NPAS4: variants seen among roughly 807,000 people sequenced by gnomAD.
NPAS4 encodes neuronal PAS domain protein 4.
A neutral mutation model predicts 64.0 loss-of-function variants in NPAS4; 10 were observed. The observed-to-expected ratio is 0.16, with a 90% CI of 0.10 to 0.26. NPAS4 has a LOEUF of 0.26. NPAS4 is among the 10% of genes least tolerant of loss of function. NPAS4 has a pLI of 1.00. For synonymous variants in NPAS4, 441 were observed against 411.7 expected (o/e 1.07, Z -0.86); for missense variants, 886 against 992.6 (o/e 0.89, Z 1.44).
chr11:66,424,696 C>T lies in NPAS4; in HGVS notation c.1806C>T (p.Val602=), dbSNP rs755287888. 6 of 1,612,836 alleles carry T rather than the reference C, an allele frequency of 3.7e-6. No homozygotes were observed. Residue 602 remains valine, a synonymous_variant, in exon 7 of 8, where the codon GTC becomes GTT. Transcript: ENST00000311034. ...TCCGGGGCCCCCTCTCTGTGGATGT[C>T]CCCCTGGTGCCCGAAGGCCTGCTCA... ...AQLRGPLSVD[V]PLVPEGLLTP...
At chr11:66,421,400 A>C in intron 1 of NPAS4, 46 bp downstream of exon 1, 1 of 1,585,790 alleles carries the variant, frequency 6.3e-7, no homozygotes, top group Non-Finnish European at 8.7e-7. Context: ...CAGGCGCCGG[A>C]GACCCTGGAG....
At position 66,425,318 on chromosome 11, in the gene NPAS4, G is replaced by A. The variant is rs368131757; in HGVS notation, c.2380+48G>A. 494 of 1,132,508 alleles carry A rather than the reference G, an allele frequency of 4.4e-4. 3 individuals are homozygous for A. The highest frequency in any genetic ancestry group is 3.7e-3 in the Middle Eastern group (18 of 4,860). The allele number at this position is 1,132,508 out of a possible 1,614,324, so 70.2% of individuals were successfully genotyped here. On this transcript the variant is annotated intron_variant, in intron 7 of 7. Coordinates refer to ENST00000311034, the MANE Select transcript of NPAS4 (RefSeq NM_178864.4). The stretch of plus-strand genomic sequence containing the variant: ...GAACTCAAGTCCCTGTCCTGCCAAT[G>A]AAATGCTGGGTAGATTTAGGCAAAT...
At chr11:66,416,221 A>G (rs1461833759), upstream of NPAS4, among the ~76,000 whole-genome samples, 1 of 152,284 alleles carries the variant, frequency 6.6e-6, no homozygotes, top group East Asian at 1.9e-4. Flanking sequence ...CCCACTGCCC[A>G]TGCCAACCTC....
At chr11:66,415,004 G>C in the NPAS4 span, among the ~76,000 whole-genome samples, 16 of 152,172 alleles carry the variant, frequency 1.1e-4, no homozygotes, top group Non-Finnish European at 4.4e-5. Context: ...GGCTTCGGGA[G>C]GCCCAATATC....
intron 5 of NPAS4, 158 bp downstream of exon 5, chr11:66,423,390 C>A: frequency 2.4e-6 from 2 of 819,858 alleles, no homozygotes; most frequent in Non-Finnish European, 4.0e-6. Flanking sequence ...GGATTCAAGG[C>A]AATAATCAAA....
chr11:66,409,625 C>G, the NPAS4 span, among the ~76,000 whole-genome samples: 1 of 152,116 alleles, frequency 6.6e-6, no homozygotes, highest in African/African-American at 2.4e-5. Flanking sequence ...CCTCCTTAAA[C>G]TGGAAGGGAA....
Position 66,424,303 on chromosome 11 carries a change from G to A in NPAS4, c.1413G>A (p.Thr471=), listed in dbSNP as rs371667911. 43 of 1,613,968 alleles carry A rather than the reference G, an allele frequency of 2.7e-5. No individual in the cohort carries two copies. Among genetic ancestry groups the A allele is most frequent in the Non-Finnish European group, 3.4e-5 (40 of 1,180,018 alleles). ...PSTATFSDQL[T]PSSATFPDPL... is the part of the protein sequence containing the mutation. ...CTGCGACCTTCTCTGATCAGTTGAC[G>A]CCCAGCAGTGCAACCTTCCCAGATC... The change falls in exon 7 of 8, where the codon ACG becomes ACA. Residue 471 remains threonine (T), a synonymous_variant. Coordinates refer to ENST00000311034, the MANE Select transcript of NPAS4 (RefSeq NM_178864.4).
At chr11:66,421,446 G>T (rs1856740219) in intron 1 of NPAS4, 92 bp downstream of exon 1, 1 of 1,186,360 alleles carries the variant, frequency 8.4e-7, no homozygotes, top group Non-Finnish European at 1.2e-6. Flanking sequence ...CATGTCTAGG[G>T]CAGCGTGCTG....
the NPAS4 span, among the ~76,000 whole-genome samples, chr11:66,413,788 T>A: frequency 4.1e-4 from 63 of 152,200 alleles, 1 homozygote; most frequent in South Asian, 8.9e-3. Flanking sequence ...TCAGGCAGGG[T>A]CACCCCTCCT....
In NPAS4 at chr11:66,424,916, G is replaced by T. The variant is rs775172916; in HGVS notation, c.2026G>T (p.Gly676Trp). The T allele has an allele frequency of 1.5e-5, 25 of 1,613,860 alleles. No homozygotes were observed. The highest frequency in any genetic ancestry group is 1.6e-4 in the Middle Eastern group (1 of 6,084). The change falls in exon 7 of 8, where the codon GGG becomes TGG. Residue 676 changes from glycine to tryptophan, a missense_variant. This residue lies in a region of NPAS4 where 820 missense variants were observed against 855.5 expected (regional missense o/e 0.96). Transcript: ENST00000311034. ...CCTGGACTCCAACCTGTCCCTGTCA[G>T]GGGCAGGCCCCCCTGTGCTCAGCCT... ...EPLDSNLSLSGAGPPVLSLDL... is the reference protein window; with the variant it reads ...EPLDSNLSLSWAGPPVLSLDL...
chr11:66,414,979 CT>C, the NPAS4 span, among the ~76,000 whole-genome samples: 2 of 152,118 alleles, frequency 1.3e-5, no homozygotes, highest in Non-Finnish European at 2.9e-5. Context: ...TTCTTCCCCC[CT>C]GGGTCAGACT....
intron 6 of NPAS4, 28 bp from the exon 7 acceptor site, chr11:66,423,807 T>C: frequency 6.2e-7 from 1 of 1,601,448 alleles, no homozygotes; most frequent in Non-Finnish European, 8.5e-7. Flanking sequence ...GTCGGACCCT[T>C]ACCAGCTGCC....
chr11:66,422,406 C>A (rs781726485), intron 2 of NPAS4, 45 bp from the exon 3 acceptor site: 13 of 1,510,364 alleles, frequency 8.6e-6, no homozygotes, highest in Non-Finnish European at 1.2e-5. Flanking sequence ...AAGATTGGCT[C>A]CTGCTGTTCT....
At chr11:66,418,674 C>T (rs1265854584), upstream of NPAS4, among the ~76,000 whole-genome samples, 1 of 152,132 alleles carries the variant, frequency 6.6e-6, no homozygotes, top group South Asian at 2.1e-4. Context: ...GGGGCTCTTC[C>T]CCTGAGCCCA....
chr11:66,426,129 T>TTG lies in NPAS4; in HGVS notation c.*140_*141insTG. Reference sequence around the variant, plus strand: ...TGATTCCCCAGGCCCTGCAGGATTTTGGGGGGGGGGAGGTGGGAGGGCAAG... The same window carrying TTG: ...TGATTCCCCAGGCCCTGCAGGATTTTTGGGGGGGGGGGAGGTGGGAGGGCAAG... On this transcript the variant is annotated 3_prime_UTR_variant, in exon 8 of 8. Coordinates refer to ENST00000311034, the MANE Select transcript of NPAS4 (RefSeq NM_178864.4). The TTG allele has an allele frequency of 1.6e-5, 5 of 322,058 alleles. No individual in the cohort carries two copies. The highest frequency in any genetic ancestry group is 8.3e-5 in the East Asian group (1 of 12,028). 20.0% of individuals were successfully genotyped at this position (322,058 alleles called of 1,614,324 possible). A position where few individuals can be genotyped will look rare whatever the true frequency, so the allele number is the denominator to read the frequency against.
Position 66,424,125 on chromosome 11 carries a change from T to G in NPAS4, c.1235T>G (p.Leu412Arg), listed in dbSNP as rs1357190533. 2.5e-6 allele frequency: 4 copies of G among 1,613,852 alleles called. No homozygotes were observed. The highest frequency in any genetic ancestry group is 3.4e-6 in the Non-Finnish European group (4 of 1,180,006). ...LTFPSGPEPS[L>R]QAELSKDLVC... is the part of the protein sequence containing the mutation. Reference sequence around the variant, plus strand: ...TTCCCTTCTGGGCCTGAGCCTTCTCTCCAAGCAGAACTAAGCAAGGATCTT... The same window carrying G: ...TTCCCTTCTGGGCCTGAGCCTTCTCGCCAAGCAGAACTAAGCAAGGATCTT... The change falls in exon 7 of 8, where the codon CTC becomes CGC. Residue 412 changes from leucine to arginine, a missense_variant. Physicochemically the swap from Leu to Arg is moderately radical, Grantham distance 102. Transcript: ENST00000311034.
intron 1 of NPAS4, 66 bp downstream of exon 1, chr11:66,421,420 C>A: frequency 2.7e-6 from 4 of 1,466,636 alleles, no homozygotes; most frequent in Non-Finnish European, 3.8e-6. Flanking sequence ...GCTGAGGGAA[C>A]CCGCTGGGGC....
chr11:66,421,758 C>T (rs1014405949), intron 1 of NPAS4, among the ~76,000 whole-genome samples: 16 of 152,208 alleles, frequency 1.1e-4, no homozygotes, highest in African/African-American at 3.9e-4. Context: ...CGGGGCGCTG[C>T]CCATGGTGCT....
rs1318249391 is a variant in NPAS4, at chr11:66,423,963, G to A, written c.1073G>A (p.Ser358Asn). The stretch of plus-strand genomic sequence containing the variant: ...ATTCTTTCCCAGGAAGAGTGCTCCA[G>A]CACTAACCCACTCTTCACCGCAGCA... ...ENILSQEECS[S>N]TNPLFTAALG... is the part of the protein sequence containing the mutation. The change falls in exon 7 of 8, where the codon AGC becomes AAC. Residue 358 changes from serine to asparagine, a missense_variant. Around this residue, in one of 3 missense-constraint regions of NPAS4, gnomAD observed 820 missense variants for 855.5 expected, o/e 0.96. Coordinates refer to ENST00000311034, the MANE Select transcript of NPAS4 (RefSeq NM_178864.4). 3 of 1,614,120 alleles carry A rather than the reference G, an allele frequency of 1.9e-6. No homozygotes were observed. In the African/African-American group the frequency reaches 4.0e-5, roughly 22 times the overall value.
Sources: allele counts gnomAD v4.1 joint callset (sites outside exome capture counted in the v4.1 genomes callset), GRCh38; gene constraint gnomAD v4.1.1; regional missense constraint gnomAD v4.1.1; transcripts MANE v1.5; gene names NCBI Gene and HGNC (gene_info 2026-07-23, HGNC 2026-07-21).